The following CGGBP1 variants were observed in gnomAD, a reference collection of about 807,000 sequenced individuals.
The protein encoded by CGGBP1 is CGG triplet repeat-binding protein 1.
Under a neutral mutation model 11.4 loss-of-function variants are expected in CGGBP1, and 4 were observed. The observed-to-expected ratio is 0.35, with a 90% confidence interval of 0.17 to 0.80. The LOEUF (loss-of-function observed/expected upper bound fraction) is 0.80. Ranked by LOEUF, CGGBP1 falls within the 30% of genes least tolerant of loss-of-function variation. The pLI, the probability that CGGBP1 is intolerant of heterozygous loss-of-function variation, is 0.52. For synonymous variants in CGGBP1, 76 were observed against 74.1 expected, an observed-to-expected ratio of 1.03 and a Z score of -0.13; for missense variants, 135 against 202.1, an observed-to-expected ratio of 0.67 and a Z score of 2.01.
intron 2 of CGGBP1, among the ~76,000 whole-genome samples, chr3:88,073,670 A>G (rs772504303): frequency 1.3e-5 from 2 of 152,210 alleles, no homozygotes; most frequent in Admixed American, 6.5e-5. Context: ...GGTATTAACA[A>G]TAAATGGTGG....
chr3:88,059,127 G>C (rs576126802), upstream of CGGBP1: 1 of 1,073,444 alleles, frequency 9.3e-7, no homozygotes, highest in Non-Finnish European at 1.3e-6. Flanking sequence ...AACATGATTG[G>C]CAGCTTGCGT....
chr3:88,102,568 T>A (rs1704488251), intron 2 of CGGBP1, among the ~76,000 whole-genome samples: 1 of 152,218 alleles, frequency 6.6e-6, no homozygotes, highest in Non-Finnish European at 1.5e-5. Flanking sequence ...TCACTGGGAT[T>A]CACAAACTAT....
At chr3:88,105,078 A>G (rs1704654539) in intron 2 of CGGBP1, among the ~76,000 whole-genome samples, 2 of 152,144 alleles carry the variant, frequency 1.3e-5, no homozygotes, top group Non-Finnish European at 2.9e-5. Context: ...AGGTGGAGGT[A>G]GCAGTGAGCT....
intron 2 of CGGBP1, among the ~76,000 whole-genome samples, chr3:88,105,162 A>C (rs1448350412): frequency 1.3e-5 from 2 of 152,170 alleles, no homozygotes; most frequent in African/African-American, 4.8e-5. Flanking sequence ...AAATTACATA[A>C]AATTCAAATG....
At chr3:88,077,389 A>T (rs1467301156) in intron 2 of CGGBP1, among the ~76,000 whole-genome samples, 3 of 148,934 alleles carry the variant, frequency 2.0e-5, no homozygotes, top group Non-Finnish European at 3.0e-5. Context: ...GCTGGAGTAC[A>T]GTGGCGCGAT....
At chr3:88,110,048 T>G (rs1207323211) in intron 2 of CGGBP1, among the ~76,000 whole-genome samples, 2 of 152,230 alleles carry the variant, frequency 1.3e-5, no homozygotes, top group African/African-American at 2.4e-5. Flanking sequence ...CCTTATAGAT[T>G]GTTGAAGAAA....
chr3:88,064,767 A>C (rs1299348910), intron 2 of CGGBP1, among the ~76,000 whole-genome samples: 1 of 152,140 alleles, frequency 6.6e-6, no homozygotes. Flanking sequence ...AAATATTTTT[A>C]CTGTTATTTT....
At chr3:88,072,193 G>C (rs545796955) in intron 2 of CGGBP1, among the ~76,000 whole-genome samples, 2 of 152,244 alleles carry the variant, frequency 1.3e-5, no homozygotes, top group East Asian at 3.9e-4. Context: ...AGGGAGAAAA[G>C]GCATATCTAA....
intron 2 of CGGBP1, among the ~76,000 whole-genome samples, chr3:88,068,168 A>C (rs1470211186): frequency 6.6e-6 from 1 of 151,680 alleles, no homozygotes; most frequent in Non-Finnish European, 1.5e-5. Flanking sequence ...TTTGAATTTG[A>C]TCATTGTGAA....
At chr3:88,135,339 C>T (rs778047075) in intron 2 of CGGBP1, 11 of 613,176 alleles carry the variant, frequency 1.8e-5, no homozygotes, top group Non-Finnish European at 2.2e-5. Context: ...CCATACATTA[C>T]ATTCTCCTCT....
At chr3:88,061,373 C>CTATATA (rs1706874651), upstream of CGGBP1, among the ~76,000 whole-genome samples, 1 of 152,124 alleles carries the variant, frequency 6.6e-6, no homozygotes, top group South Asian at 2.1e-4. Context: ...TATGACTTCG[C>CTATATA]TACCTCCTGT....
intron 2 of CGGBP1, chr3:88,113,204 A>G: frequency 2.0e-6 from 3 of 1,501,924 alleles, no homozygotes; most frequent in South Asian, 1.2e-5. Context: ...CAGGTAAAAA[A>G]CAGTTTACTA....
upstream of CGGBP1, among the ~76,000 whole-genome samples, chr3:88,063,186 G>A (rs557719110): frequency 9.2e-5 from 14 of 152,260 alleles, no homozygotes; most frequent in African/African-American, 3.1e-4. Context: ...TGAACATCCT[G>A]CAGTGCACAG....
At chr3:88,079,828 T>C (rs1707991758) in intron 2 of CGGBP1, among the ~76,000 whole-genome samples, 1 of 152,134 alleles carries the variant, frequency 6.6e-6, no homozygotes, top group Non-Finnish European at 1.5e-5. Flanking sequence ...AGTAGTGAGT[T>C]GAACAGTATG....
At chr3:88,081,799 G>T (rs1455687479) in intron 2 of CGGBP1, among the ~76,000 whole-genome samples, 1 of 152,074 alleles carries the variant, frequency 6.6e-6, no homozygotes, top group Admixed American at 6.6e-5. Context: ...CCTTTTATTG[G>T]AGAATGGTAT....
At chr3:88,120,069 T>C (rs1705675215) in intron 2 of CGGBP1, among the ~76,000 whole-genome samples, 1 of 55,118 alleles carries the variant, frequency 1.8e-5, no homozygotes, top group African/African-American at 4.2e-5. Flanking sequence ...ATAATTCTAC[T>C]TATTTAAAAA....
At chr3:88,059,094 A>T, upstream of CGGBP1, 1 of 812,104 alleles carries the variant, frequency 1.2e-6, no homozygotes, top group Non-Finnish European at 1.9e-6. Context: ...GATTTCACCA[A>T]TAGTAGTGGA....
At chr3:88,085,158 G>T (rs1233162905) in intron 2 of CGGBP1, among the ~76,000 whole-genome samples, 9 of 152,158 alleles carry the variant, frequency 5.9e-5, no homozygotes, top group African/African-American at 1.9e-4. Flanking sequence ...AGTCTTTTGG[G>T]CTCTGAGTGT....
In CGGBP1 at chr3:88,053,592, C is replaced by T. The variant is rs1462251173; in HGVS notation, c.*1881G>A. The T allele has an allele frequency of 6.6e-6, 1 of 152,386 alleles. No homozygotes were observed. The highest frequency in any genetic ancestry group is 1.5e-5 in the Non-Finnish European group (1 of 67,968). 9.4% of individuals were successfully genotyped at this position (152,386 alleles called of 1,614,324 possible). On this transcript the variant is annotated 3_prime_UTR_variant, in exon 4 of 4. Transcript: ENST00000482016. Reference sequence around the variant, plus strand: ...ATTTTGCTATTAGTGCAAATTAATACCCAAATAATAGGGAGCAGTTTGAAT... The same window carrying T: ...ATTTTGCTATTAGTGCAAATTAATATCCAAATAATAGGGAGCAGTTTGAAT...
Sources: gnomAD v4.1 joint callset for allele counts (sites outside exome capture counted in the v4.1 genomes callset) on GRCh38, gnomAD v4.1.1 for gene constraint, MANE v1.5 for transcripts, NCBI Gene and HGNC (gene_info 2026-07-23, HGNC 2026-07-21) for gene names.